GOLT1A: variants seen among roughly 807,000 people sequenced by gnomAD.
The protein encoded by GOLT1A is golgi transport 1A.
GOLT1A carries 10 observed loss-of-function variants against 16.1 expected under a neutral mutation model. The observed-to-expected ratio is 0.62, with a 90% CI of 0.38 to 1.05. The LOEUF (loss-of-function observed/expected upper bound fraction) is 1.05. Among genes scored for constraint, GOLT1A ranks in the 50% least tolerant of loss-of-function variants. The probability of loss-of-function intolerance (pLI) is 0.01; values close to 1 mark genes in which losing one functional copy is unlikely to be tolerated. For missense variants in GOLT1A, 137 were observed against 165.7 expected (o/e 0.83, Z 0.95); for synonymous variants, 60 against 67.9 (o/e 0.88, Z 0.57).
intron 2 of GOLT1A, among the ~76,000 whole-genome samples, chr1:204,202,223 C>T (rs889417234): frequency 6.6e-6 from 1 of 151,662 alleles, no homozygotes; most frequent in Admixed American, 6.6e-5. Context: ...GGCTCCACTG[C>T]CTACAGAATA....
At chr1:204,209,784 G>A (rs1367824969) in intron 1 of GOLT1A, among the ~76,000 whole-genome samples, 1 of 152,228 alleles carries the variant, frequency 6.6e-6, no homozygotes, top group East Asian at 1.9e-4. Context: ...GGCAGGCACG[G>A]TGGTTTACAC....
At position 204,198,423 on chromosome 1, in the gene GOLT1A, C is replaced by T. The variant is rs772482406; in HGVS notation, c.*35G>A. On this transcript the variant is annotated 3_prime_UTR_variant, in exon 5 of 5. Transcript: ENST00000308302. ...CCATTCTCCCTCTAGCCCCCTCAAC[C>T]AATGATCCAAGTTCAAGGAGCTCAT... is the stretch of plus-strand genomic sequence containing the variant. 10 of 1,607,502 alleles carry T rather than the reference C, an allele frequency of 6.2e-6. No homozygotes were observed. The highest frequency in any genetic ancestry group is 8.5e-6 in the Non-Finnish European group (10 of 1,174,476).
At chr1:204,211,968 G>A (rs570597691) in intron 1 of GOLT1A, among the ~76,000 whole-genome samples, 1 of 152,110 alleles carries the variant, frequency 6.6e-6, no homozygotes, top group Non-Finnish European at 1.5e-5. Flanking sequence ...GCCTGCCCTC[G>A]GTGATCTCAT....
At chr1:204,198,702 G>T (rs1337033759) in intron 4 of GOLT1A, among the ~76,000 whole-genome samples, 1 of 152,160 alleles carries the variant, frequency 6.6e-6, no homozygotes, top group Non-Finnish European at 1.5e-5. Context: ...ATTCTGCCAG[G>T]TGCTTCAGAG....
chr1:204,213,329 C>T (rs1659167378), intron 1 of GOLT1A, among the ~76,000 whole-genome samples: 1 of 152,156 alleles, frequency 6.6e-6, no homozygotes, highest in African/African-American at 2.4e-5. Context: ...AAAACCAAGG[C>T]TCAGAGGCTT....
At chr1:204,212,220 C>G (rs1181575027) in intron 1 of GOLT1A, among the ~76,000 whole-genome samples, 1 of 152,196 alleles carries the variant, frequency 6.6e-6, no homozygotes, top group Middle Eastern at 3.2e-3. Context: ...TCCTCTTTCT[C>G]TCACACCCTA....
chr1:204,203,773 A>G (rs1297868823), intron 1 of GOLT1A, among the ~76,000 whole-genome samples: 1 of 150,678 alleles, frequency 6.6e-6, no homozygotes, highest in African/African-American at 2.4e-5. Context: ...TTGGACCCAC[A>G]CTGACAATGA....
At chr1:204,201,917 T>C in intron 2 of GOLT1A, 106 bp from the exon 3 acceptor site, 1 of 994,328 alleles carries the variant, frequency 1.0e-6, no homozygotes, top group South Asian at 1.6e-5. Context: ...GTGCTAACTG[T>C]TCAAGACCAT....
intron 3 of GOLT1A, 37 bp from the exon 4 acceptor site, chr1:204,199,295 G>A (rs763806051): frequency 1.6e-5 from 25 of 1,541,356 alleles, no homozygotes; most frequent in Non-Finnish European, 2.2e-5. Flanking sequence ...GTCAGTGATG[G>A]CCCAGGAAGA....
intron 3 of GOLT1A, among the ~76,000 whole-genome samples, chr1:204,199,852 C>T (rs1658923773): frequency 6.6e-6 from 1 of 152,202 alleles, no homozygotes; most frequent in African/African-American, 2.4e-5. Flanking sequence ...TGCGTGACCC[C>T]TCACAGGGCT....
intron 2 of GOLT1A, among the ~76,000 whole-genome samples, chr1:204,202,587 GA>G (rs1248472925): frequency 1.3e-5 from 2 of 151,986 alleles, no homozygotes; most frequent in Non-Finnish European, 2.9e-5. Context: ...GTGGGATTCA[GA>G]TGGCAGGGAC....
At chr1:204,208,353 T>C (rs190534776) in intron 1 of GOLT1A, among the ~76,000 whole-genome samples, 3,099 of 74,512 alleles carry the variant, frequency 0.042, 54 homozygotes, top group Non-Finnish European at 0.075. Context: ...TACACACATG[T>C]ATGTATATAT....
At position 204,198,249 on chromosome 1, in the gene GOLT1A, T is replaced by C. The variant is rs1213165424; in HGVS notation, c.*209A>G. 8 of 567,574 alleles carry C rather than the reference T, an allele frequency of 1.4e-5. No homozygotes were observed. In the South Asian group the frequency reaches 1.4e-4, roughly 10 times the overall value. The allele number at this position is 567,574 out of a possible 1,614,324, so 35.2% of individuals were successfully genotyped here. ...TGATACCAGCCCCAGCCCAGTCTCC[T>C]TGGGGTCTGCATCTCTGCTTCCTGG... On this transcript the variant is annotated 3_prime_UTR_variant, in exon 5 of 5. Coordinates refer to ENST00000308302, the MANE Select transcript of GOLT1A (RefSeq NM_198447.2).
At position 204,198,817 on chromosome 1, in the gene GOLT1A, T is replaced by C. The variant is rs574316652; in HGVS notation, c.361-321A>G. On this transcript the variant is annotated intron_variant, in intron 4 of 4. Transcript: ENST00000308302. Reference sequence around the variant, plus strand: ...GACAGCTTTTCCTGCTGTCATCAGCTGTCATACATTCTCTCCATGCCTGGG... The same window carrying C: ...GACAGCTTTTCCTGCTGTCATCAGCCGTCATACATTCTCTCCATGCCTGGG... 6 of 484,538 alleles carry C rather than the reference T, an allele frequency of 1.2e-5. No individual in the cohort carries two copies. In the East Asian group the frequency reaches 2.1e-4, roughly 17 times the overall value. 30.0% of individuals were successfully genotyped at this position (484,538 alleles called of 1,614,324 possible).
chr1:204,204,788 G>A (rs1338357453), intron 1 of GOLT1A, among the ~76,000 whole-genome samples: 1 of 152,196 alleles, frequency 6.6e-6, no homozygotes, highest in Non-Finnish European at 1.5e-5. Flanking sequence ...CCCAGCAACA[G>A]TACACAAGAG....
intron 1 of GOLT1A, among the ~76,000 whole-genome samples, chr1:204,206,289 C>A (rs1337759093): frequency 6.6e-6 from 1 of 152,190 alleles, no homozygotes; most frequent in East Asian, 1.9e-4. Context: ...TCCTTGTGTT[C>A]CTGACAAGCC....
At chr1:204,212,359 G>A (rs1659150898) in intron 1 of GOLT1A, among the ~76,000 whole-genome samples, 1 of 152,132 alleles carries the variant, frequency 6.6e-6, no homozygotes, top group Non-Finnish European at 1.5e-5. Context: ...CCCTGGCTGG[G>A]CGCGGTGGCT....
chr1:204,208,502 A>ATATATATAT (rs1491494433), intron 1 of GOLT1A, among the ~76,000 whole-genome samples: 8 of 62,076 alleles, frequency 1.3e-4, no homozygotes, highest in African/African-American at 4.9e-4. Flanking sequence ...ATATATATAT[A>ATATATATAT]AAAAATGAAC....
At chr1:204,207,419 C>T (rs1659056575) in intron 1 of GOLT1A, among the ~76,000 whole-genome samples, 1 of 152,214 alleles carries the variant, frequency 6.6e-6, no homozygotes, top group South Asian at 2.1e-4. Context: ...TGGCAAGGTA[C>T]ACTGATGGCT....
Sources: allele counts gnomAD v4.1 joint callset (sites outside exome capture counted in the v4.1 genomes callset), GRCh38; gene constraint gnomAD v4.1.1; transcripts MANE v1.5; gene names NCBI Gene and HGNC (gene_info 2026-07-23, HGNC 2026-07-21).